GREB1: variants seen among roughly 807,000 people sequenced by gnomAD.
GREB1 encodes protein GREB1.
GREB1 carries 106 observed loss-of-function variants against 200.7 expected under a neutral mutation model. The ratio of observed to expected loss-of-function variants is 0.53; its 90% CI spans 0.45 to 0.62. The LOEUF is 0.62. Among genes scored for constraint, GREB1 ranks in the 20% least tolerant of loss-of-function variants. The pLI is 0.00. For synonymous variants in GREB1, 1,132 were observed against 1,092.4 expected (o/e 1.04, Z -0.72); for missense variants, 2,243 against 2,556.8 (o/e 0.88, Z 2.65).
chr2:11,490,245 C>G (rs1672748714), intron 1 of GREB1, among the ~76,000 whole-genome samples: 1 of 152,186 alleles, frequency 6.6e-6, no homozygotes, highest in Non-Finnish European at 1.5e-5. Context: ...CACCACGACT[C>G]TGCCTTTTGC....
intron 1 of GREB1, among the ~76,000 whole-genome samples, chr2:11,483,975 G>A (rs900811872): frequency 2.0e-5 from 3 of 152,116 alleles, no homozygotes; most frequent in African/African-American, 7.2e-5. Flanking sequence ...TGTAAATTTA[G>A]CTTGAATAAA....
At chr2:11,510,310 T>C (rs1673313824) in intron 1 of GREB1, among the ~76,000 whole-genome samples, 1 of 152,244 alleles carries the variant, frequency 6.6e-6, no homozygotes, top group Non-Finnish European at 1.5e-5. Context: ...CTTTTCTCCC[T>C]GTGTAATGTT....
Position 11,556,716 on chromosome 2 carries a change from G to A in GREB1, c.102G>A (p.Arg34=), listed in dbSNP as rs1486239862. 1.2e-6 allele frequency: 2 copies of A among 1,614,096 alleles called. No homozygotes were observed. The highest frequency in any genetic ancestry group is 2.2e-5 in the East Asian group (1 of 44,872). The change falls in exon 2 of 33, where the codon AGG becomes AGA. Residue 34 remains arginine (R), a synonymous_variant. Coordinates refer to ENST00000381486, the MANE Select transcript of GREB1 (RefSeq NM_014668.4). ...ASLRSNNLVP[R]PIFSQLYLEA... is the part of the protein sequence containing the mutation. ...TGCGGTCCAACAACCTGGTGCCCAGGCCCATCTTTTCCCAGCTGTACCTGG... is the reference window on the plus strand; with the variant it reads ...TGCGGTCCAACAACCTGGTGCCCAGACCCATCTTTTCCCAGCTGTACCTGG...
At chr2:11,634,078 C>T in intron 28 of GREB1, 53 bp from the exon 29 acceptor site, 2 of 1,543,018 alleles carry the variant, frequency 1.3e-6, no homozygotes, top group South Asian at 1.1e-5. Flanking sequence ...TCCCAAGGAC[C>T]TTGCTGCTGC....
intron 26 of GREB1, among the ~76,000 whole-genome samples, chr2:11,630,395 G>T (rs535911745): frequency 9.2e-5 from 14 of 152,338 alleles, no homozygotes; most frequent in African/African-American, 3.1e-4. Flanking sequence ...CTTGTGGTGA[G>T]AACTGTTTGG....
intron 9 of GREB1, 60 bp from the exon 10 acceptor site, chr2:11,588,686 T>C (rs780831610): frequency 1.0e-5 from 15 of 1,476,690 alleles, no homozygotes; most frequent in Non-Finnish European, 1.4e-5. Context: ...AGAACCCACA[T>C]GTATGGGACC....
chr2:11,613,571 C>T (rs3828298), intron 19 of GREB1, among the ~76,000 whole-genome samples: 50,332 of 152,054 alleles, frequency 0.33, 10,417 homozygotes, highest in African/African-American at 0.59. Flanking sequence ...CTTCAGCAAA[C>T]GGCCCTGTGC....
intron 21 of GREB1, among the ~76,000 whole-genome samples, chr2:11,617,927 C>A (rs540667376): frequency 1.2e-4 from 18 of 152,096 alleles, no homozygotes; most frequent in Non-Finnish European, 1.9e-4. Flanking sequence ...CAGATGCCCC[C>A]GATGGAGTCA....
At chr2:11,519,747 TGC>T (rs1673642921) in intron 1 of GREB1, among the ~76,000 whole-genome samples, 1 of 152,106 alleles carries the variant, frequency 6.6e-6, no homozygotes, top group Admixed American at 6.5e-5. Context: ...TGAACCACTG[TGC>T]CCAGCCTGAT....
At chr2:11,587,484 C>T in intron 9 of GREB1, 1 of 1,608,546 alleles carries the variant, frequency 6.2e-7, no homozygotes, top group Non-Finnish European at 8.5e-7. Flanking sequence ...ATCCTGGAAT[C>T]AGAATCAGGC....
chr2:11,577,035 AAAAC>A (rs755354444), intron 5 of GREB1, among the ~76,000 whole-genome samples: 36 of 152,034 alleles, frequency 2.4e-4, no homozygotes, highest in Admixed American at 7.2e-4. Context: ...ACTCCATCTC[AAAAC>A]AAACAAACAA....
chr2:11,578,725 C>T (rs1266127303), intron 6 of GREB1, among the ~76,000 whole-genome samples: 1 of 152,174 alleles, frequency 6.6e-6, no homozygotes, highest in East Asian at 1.9e-4. Flanking sequence ...CAGCATAGAG[C>T]TCTCTATGTA....
At chr2:11,581,380 T>G in intron 7 of GREB1, 1 of 217,414 alleles carries the variant, frequency 4.6e-6, no homozygotes, top group Non-Finnish European at 9.0e-6. Flanking sequence ...ATCAGCCTCA[T>G]TGCTGAGGCT....
At position 11,593,020 on chromosome 2, in the gene GREB1, C is replaced by T; in HGVS notation, c.1590C>T (p.Ser530=). 6.2e-6 allele frequency: 10 copies of T among 1,613,106 alleles called. No homozygotes were observed. The highest frequency in any genetic ancestry group is 2.2e-5 in the South Asian group (2 of 90,838). The part of the protein sequence containing the change: ...ECAYSLAEGL[S]EMFRLLVEGK... ...CTTACTCCCTGGCCGAGGGCCTCTCCGAGATGTTCCGGCTGTTGGTCGAGG... is the reference window on the plus strand; with the variant it reads ...CTTACTCCCTGGCCGAGGGCCTCTCTGAGATGTTCCGGCTGTTGGTCGAGG... Residue 530 remains serine, a synonymous_variant, in exon 11 of 33, where the codon TCC becomes TCT. Transcript: ENST00000381486.
At chr2:11,593,183 C>T in intron 11 of GREB1, 57 bp downstream of exon 11, 2 of 1,224,224 alleles carry the variant, frequency 1.6e-6, no homozygotes, top group African/African-American at 1.5e-5. Flanking sequence ...TCCCGGTCCC[C>T]TCCTTTGGTG....
intron 1 of GREB1, among the ~76,000 whole-genome samples, chr2:11,517,750 C>T (rs1673556057): frequency 6.6e-6 from 1 of 152,288 alleles, no homozygotes; most frequent in Admixed American, 6.5e-5. Context: ...CTCCCGGGTT[C>T]ATGCCATTCT....
At chr2:11,600,456 C>T (rs1300875614) in intron 15 of GREB1, among the ~76,000 whole-genome samples, 1 of 152,178 alleles carries the variant, frequency 6.6e-6, no homozygotes, top group African/African-American at 2.4e-5. Flanking sequence ...GAGATAAGTA[C>T]ACAATCAGAT....
intron 7 of GREB1, chr2:11,584,932 A>G: frequency 2.6e-6 from 1 of 391,320 alleles, no homozygotes; most frequent in Non-Finnish European, 4.5e-6. Context: ...GTGGAGGACC[A>G]CCAGGTTGCC....
At chr2:11,518,813 A>G (rs945578855) in intron 1 of GREB1, among the ~76,000 whole-genome samples, 1 of 152,064 alleles carries the variant, frequency 6.6e-6, no homozygotes, top group African/African-American at 2.4e-5. Flanking sequence ...AAATGAAAAA[A>G]TCCCGCCAGG....
Sources: allele counts gnomAD v4.1 joint callset (sites outside exome capture counted in the v4.1 genomes callset), GRCh38; gene constraint gnomAD v4.1.1; transcripts MANE v1.5; gene names NCBI Gene and HGNC (gene_info 2026-07-23, HGNC 2026-07-21).